Variants in ASTN2 observed in about 807,000 individuals in gnomAD.
ASTN2 encodes the protein astrotactin 2, also known as astrotactin-2.
A neutral mutation model predicts 139.8 loss-of-function variants in ASTN2; 54 were observed. The observed-to-expected ratio is 0.39, with a 90% confidence interval of 0.31 to 0.48. The LOEUF (loss-of-function observed/expected upper bound fraction) is 0.48, where lower values mean the gene tolerates loss of function less well. Among genes scored for constraint, ASTN2 ranks in the 20% least tolerant of loss-of-function variants. The pLI, the probability that ASTN2 is intolerant of heterozygous loss-of-function variation, is 0.95. For missense variants in ASTN2, 1,565 were observed against 1,725.1 expected (o/e 0.91, Z 1.64); for synonymous variants, 756 against 719.5 (o/e 1.05, Z -0.81).
chr9:117,203,979 A>C (rs1831824756), intron 3 of ASTN2, among the ~76,000 whole-genome samples: 1 of 152,200 alleles, frequency 6.6e-6, no homozygotes, highest in African/African-American at 2.4e-5. Flanking sequence ...GCTGGTCCAC[A>C]GAGAATGTGG....
At chr9:117,234,022 C>A (rs1404382514) in intron 2 of ASTN2, among the ~76,000 whole-genome samples, 1 of 152,170 alleles carries the variant, frequency 6.6e-6, no homozygotes, top group East Asian at 1.9e-4. Context: ...CAATGACTCC[C>A]TGCTAAAATT....
chr9:116,497,800 T>C (rs1849716218), intron 19 of ASTN2, among the ~76,000 whole-genome samples: 4 of 152,186 alleles, frequency 2.6e-5, no homozygotes, highest in Admixed American at 1.3e-4. Flanking sequence ...GTGAGTTCAC[T>C]GCCTTTGAAG....
intron 7 of ASTN2, among the ~76,000 whole-genome samples, chr9:116,977,726 T>TG (rs1334651523): frequency 2.0e-5 from 3 of 149,034 alleles, no homozygotes; most frequent in African/African-American, 7.4e-5. Context: ...TTTTTTTTTT[T>TG]TTTTTTGAGA....
At chr9:117,364,488 G>A (rs1440616349) in intron 1 of ASTN2, among the ~76,000 whole-genome samples, 1 of 152,168 alleles carries the variant, frequency 6.6e-6, no homozygotes, top group East Asian at 1.9e-4. Flanking sequence ...GTTTAATCAA[G>A]TATGAAATAA....
chr9:116,760,314 G>T (rs1164819822), intron 13 of ASTN2, among the ~76,000 whole-genome samples: 3 of 152,140 alleles, frequency 2.0e-5, no homozygotes, highest in Non-Finnish European at 2.9e-5. Flanking sequence ...AGAAGTATGG[G>T]GCAGCATTTG....
At chr9:116,528,034 C>T (rs1851169868) in intron 19 of ASTN2, among the ~76,000 whole-genome samples, 1 of 152,160 alleles carries the variant, frequency 6.6e-6, no homozygotes, top group South Asian at 2.1e-4. Context: ...AGAAGTGAGG[C>T]ACTGCTACAA....
intron 1 of ASTN2, among the ~76,000 whole-genome samples, chr9:117,365,112 G>A (rs955213879): frequency 6.6e-6 from 1 of 151,156 alleles, no homozygotes; most frequent in African/African-American, 2.4e-5. Flanking sequence ...TCACTTCACT[G>A]CACTCCAGCC....
chr9:116,762,263 G>GT (rs1829691791), intron 13 of ASTN2, among the ~76,000 whole-genome samples: 1 of 152,196 alleles, frequency 6.6e-6, no homozygotes, highest in African/African-American at 2.4e-5. Flanking sequence ...CAAGGTCCTG[G>GT]TTTTGCCACT....
intron 1 of ASTN2, among the ~76,000 whole-genome samples, chr9:117,335,861 A>G (rs1486193220): frequency 6.6e-6 from 1 of 152,164 alleles, no homozygotes; most frequent in Non-Finnish European, 1.5e-5. Flanking sequence ...ATGTGTACCC[A>G]GAGTTGGAAT....
At chr9:117,382,144 C>T (rs1830289206) in intron 1 of ASTN2, among the ~76,000 whole-genome samples, 1 of 152,048 alleles carries the variant, frequency 6.6e-6, no homozygotes, top group Non-Finnish European at 1.5e-5. Flanking sequence ...TTGGGCTGGT[C>T]AACATGACTT....
At chr9:117,146,370 A>G (rs999454064) in intron 3 of ASTN2, among the ~76,000 whole-genome samples, 15 of 151,846 alleles carry the variant, frequency 9.9e-5, no homozygotes, top group Admixed American at 1.3e-4. Context: ...GAGATTGTCA[A>G]GCTTAATGGT....
At chr9:116,668,336 C>T (rs561371809) in intron 16 of ASTN2, among the ~76,000 whole-genome samples, 28 of 151,996 alleles carry the variant, frequency 1.8e-4, no homozygotes, top group Non-Finnish European at 3.1e-4. Flanking sequence ...GGATTATAGG[C>T]ACCCGCCATC....
At chr9:117,300,000 A>T (rs550534205) in intron 1 of ASTN2, among the ~76,000 whole-genome samples, 4 of 152,150 alleles carry the variant, frequency 2.6e-5, no homozygotes, top group Non-Finnish European at 5.9e-5. Context: ...TACTTACATC[A>T]CATCTAATGT....
intron 1 of ASTN2, among the ~76,000 whole-genome samples, chr9:117,403,512 C>A (rs1402334218): frequency 1.3e-5 from 2 of 152,162 alleles, no homozygotes; most frequent in African/African-American, 4.8e-5. Context: ...GTAGACCAGA[C>A]GTCTTCCTGT....
At chr9:116,599,454 A>C (rs1289590973) in intron 19 of ASTN2, among the ~76,000 whole-genome samples, 1 of 152,254 alleles carries the variant, frequency 6.6e-6, no homozygotes, top group East Asian at 1.9e-4. Flanking sequence ...TATCATCTAC[A>C]TGCCCCAGGC....
At chr9:117,143,099 C>G (rs574870936) in intron 3 of ASTN2, among the ~76,000 whole-genome samples, 4 of 152,276 alleles carry the variant, frequency 2.6e-5, no homozygotes, top group African/African-American at 9.6e-5. Flanking sequence ...AGGGCTTGTT[C>G]TGGTATTGGG....
intron 5 of ASTN2, among the ~76,000 whole-genome samples, chr9:117,089,923 A>G (rs1414723759): frequency 3.9e-5 from 6 of 152,114 alleles, no homozygotes; most frequent in African/African-American, 1.2e-4. Context: ...TTATCCATTT[A>G]TTGATTGATG....
intron 1 of ASTN2, among the ~76,000 whole-genome samples, chr9:117,345,411 C>G (rs914161409): frequency 6.6e-6 from 1 of 152,128 alleles, no homozygotes; most frequent in African/African-American, 2.4e-5. Context: ...TCTCAATGTA[C>G]CTTGCATGAC....
intron 19 of ASTN2, among the ~76,000 whole-genome samples, chr9:116,528,857 G>A (rs536353157): frequency 1.3e-5 from 2 of 152,204 alleles, no homozygotes; most frequent in Non-Finnish European, 2.9e-5. Flanking sequence ...TCCACATGAT[G>A]TTGGGCCTGT....
Sources: gnomAD v4.1 joint callset for allele counts (sites outside exome capture counted in the v4.1 genomes callset) on GRCh38, gnomAD v4.1.1 for gene constraint, MANE v1.5 for transcripts, NCBI Gene and HGNC (gene_info 2026-07-23, HGNC 2026-07-21) for gene names.